Variants in WWOX observed in about 807,000 individuals in gnomAD.
The protein encoded by WWOX is WW domain containing oxidoreductase.
WWOX carries 69 observed loss-of-function variants against 46.2 expected under a neutral mutation model. That is an observed-to-expected ratio of 1.49 (90% confidence interval 1.23 to 1.82). WWOX has a LOEUF of 1.82. Among genes scored for constraint, WWOX ranks in the 40% most tolerant of loss-of-function variants. The pLI, the probability that WWOX is intolerant of heterozygous loss-of-function variation, is 0.00. For missense variants in WWOX, 919 were observed against 542.6 expected, an observed-to-expected ratio of 1.69 and a Z score of -6.89; for synonymous variants, 359 against 202.6, an observed-to-expected ratio of 1.77 and a Z score of -6.56.
At chr16:78,276,703 T>C (rs4536491) in intron 5 of WWOX, among the ~76,000 whole-genome samples, 109,426 of 152,110 alleles carry the variant, frequency 0.72, 40,983 homozygotes, top group East Asian at 1. Flanking sequence ...TGCTTTAAGA[T>C]TGTAAAATTT....
At chr16:78,899,824 G>A (rs1315957097) in intron 8 of WWOX, among the ~76,000 whole-genome samples, 2 of 152,122 alleles carry the variant, frequency 1.3e-5, no homozygotes, top group East Asian at 1.9e-4. Flanking sequence ...AAACTAGCGC[G>A]TGGTCTGTTT....
chr16:79,161,594 C>T (rs1252490784), intron 8 of WWOX, among the ~76,000 whole-genome samples: 1 of 152,162 alleles, frequency 6.6e-6, no homozygotes, highest in Non-Finnish European at 1.5e-5. Context: ...GTGATCTTGG[C>T]TCACTGTAGC....
chr16:78,099,935 C>T, intron 1 of WWOX, 50 bp downstream of exon 1: 3 of 1,538,508 alleles, frequency 1.9e-6, no homozygotes, highest in Non-Finnish European at 2.6e-6. Context: ...CCTGCACAGC[C>T]CACGGACGCC....
At chr16:78,841,411 C>T (rs1252053197) in intron 8 of WWOX, among the ~76,000 whole-genome samples, 2 of 152,172 alleles carry the variant, frequency 1.3e-5, no homozygotes, top group African/African-American at 4.8e-5. Context: ...CTGTTTCTTC[C>T]AAAATCTGGA....
intron 5 of WWOX, among the ~76,000 whole-genome samples, chr16:78,314,687 G>GTTTTTTTTTTT (rs1567494414): frequency 2.2e-5 from 2 of 92,058 alleles, no homozygotes; most frequent in African/African-American, 1.2e-4. Context: ...ACCCTGCAGG[G>GTTTTTTTTTTT]GTTTTTTTTT....
chr16:78,742,786 A>G (rs1396544294), intron 8 of WWOX, among the ~76,000 whole-genome samples: 2 of 152,124 alleles, frequency 1.3e-5, no homozygotes, highest in Non-Finnish European at 2.9e-5. Flanking sequence ...TTTGTATCTG[A>G]TGTTCTTGGG....
intron 8 of WWOX, chr16:79,203,505 T>C (rs1473259681): frequency 3.3e-5 from 5 of 151,890 alleles, no homozygotes; most frequent in African/African-American, 7.3e-5. Flanking sequence ...GTTTTTTTTT[T>C]TTTTTTTCTT....
At chr16:78,999,824 G>C (rs565508428) in intron 8 of WWOX, among the ~76,000 whole-genome samples, 1 of 152,058 alleles carries the variant, frequency 6.6e-6, no homozygotes, top group Admixed American at 6.6e-5. Flanking sequence ...CCATATATGC[G>C]TGTAAGAAAT....
At chr16:78,291,733 A>G (rs939038726) in intron 5 of WWOX, among the ~76,000 whole-genome samples, 2 of 152,134 alleles carry the variant, frequency 1.3e-5, no homozygotes, top group East Asian at 1.9e-4. Flanking sequence ...AAAAAAAAGC[A>G]AAATTAGCAC....
intron 7 of WWOX, among the ~76,000 whole-genome samples, chr16:78,427,460 A>G (rs934436161): frequency 2.0e-5 from 3 of 152,154 alleles, no homozygotes; most frequent in African/African-American, 7.2e-5. Flanking sequence ...CTGGTTGAAC[A>G]ACCCTCAATG....
At chr16:78,547,519 C>T (rs569067772) in intron 8 of WWOX, among the ~76,000 whole-genome samples, 219 of 152,290 alleles carry the variant, frequency 1.4e-3, no homozygotes, top group African/African-American at 5.2e-3. Flanking sequence ...ACTTCTCATT[C>T]ATTAGGCCAT....
intron 8 of WWOX, among the ~76,000 whole-genome samples, chr16:79,172,591 G>A (rs933778023): frequency 1.3e-5 from 2 of 152,146 alleles, no homozygotes; most frequent in Non-Finnish European, 2.9e-5. Context: ...AGCCTCTTTA[G>A]GAGTGTGTTT....
chr16:78,594,360 G>T (rs1360707357), intron 8 of WWOX, among the ~76,000 whole-genome samples: 1 of 142,654 alleles, frequency 7.0e-6, no homozygotes, highest in Admixed American at 7.5e-5. Context: ...TCATATTCTT[G>T]CATTTGCTGC....
intron 8 of WWOX, among the ~76,000 whole-genome samples, chr16:79,038,257 C>G (rs1001850035): frequency 2.6e-5 from 4 of 152,034 alleles, no homozygotes; most frequent in Non-Finnish European, 2.9e-5. Context: ...CCAGAAAGAT[C>G]CAGTGAATTG....
chr16:78,825,361 G>A (rs781259874), intron 8 of WWOX: 10 of 276,106 alleles, frequency 3.6e-5, no homozygotes, highest in South Asian at 9.2e-5. Flanking sequence ...TTCTTACTCC[G>A]GAGCTGGCTA....
chr16:78,559,018 C>G (rs1224775936), intron 8 of WWOX, among the ~76,000 whole-genome samples: 1 of 152,188 alleles, frequency 6.6e-6, no homozygotes, highest in Non-Finnish European at 1.5e-5. Context: ...ACAATCATAT[C>G]CACGGCATCC....
At chr16:78,969,925 A>G (rs561988603) in intron 8 of WWOX, among the ~76,000 whole-genome samples, 2 of 152,290 alleles carry the variant, frequency 1.3e-5, no homozygotes, top group South Asian at 4.2e-4. Flanking sequence ...TGTAAAGTTG[A>G]TTGTGGAAAT....
At chr16:78,378,649 C>T (rs1192729676) in intron 5 of WWOX, among the ~76,000 whole-genome samples, 1 of 152,172 alleles carries the variant, frequency 6.6e-6, no homozygotes, top group Non-Finnish European at 1.5e-5. Context: ...AATGTGACAG[C>T]TCCTATTTAA....
At chr16:78,829,916 A>G (rs9941131) in intron 8 of WWOX, among the ~76,000 whole-genome samples, 79,290 of 152,016 alleles carry the variant, frequency 0.52, 21,333 homozygotes, top group African/African-American at 0.6. Context: ...ACCATCTGAC[A>G]TATACATTCA....
Sources: allele counts gnomAD v4.1 joint callset (sites outside exome capture counted in the v4.1 genomes callset), GRCh38; gene constraint gnomAD v4.1.1; transcripts MANE v1.5; gene names NCBI Gene and HGNC (gene_info 2026-07-23, HGNC 2026-07-21).